The following SPOCK1 variants were observed in gnomAD, a reference collection of about 807,000 sequenced individuals.
SPOCK1 encodes the protein SPARC (osteonectin), cwcv and kazal like domains proteoglycan 1.
A neutral mutation model predicts 55.3 loss-of-function variants in SPOCK1; 23 were observed. The observed-to-expected ratio is 0.42, with a 90% CI of 0.30 to 0.59. SPOCK1 has a LOEUF of 0.59. Ranked by LOEUF, SPOCK1 falls within the 20% of genes least tolerant of loss-of-function variation. SPOCK1 has a pLI of 0.22. For synonymous variants in SPOCK1, 226 were observed against 221.0 expected (o/e 1.02, Z -0.20); for missense variants, 499 against 552.5 (o/e 0.90, Z 0.97).
intron 2 of SPOCK1, among the ~76,000 whole-genome samples, chr5:137,293,589 G>C (rs1757418129): frequency 6.6e-6 from 1 of 152,006 alleles, no homozygotes; most frequent in Non-Finnish European, 1.5e-5. Flanking sequence ...CCCCTCCCCA[G>C]TGTGAGTGTG....
At position 137,310,544 on chromosome 5, in the gene SPOCK1, T is replaced by C. The variant is rs537383538; in HGVS notation, c.187-43489A>G. Among the ~76,000 whole-genome samples, 23 of 152,308 alleles carry C rather than the reference T, an allele frequency of 1.5e-4. No homozygotes were observed. The South Asian group carries it at 3.3e-3, about 22-fold the overall frequency. On this transcript the variant is annotated intron_variant, in intron 2 of 10. Transcript: ENST00000394945. ...AATCATCAAAACAGCAACATATACT[T>C]GATGAGCTGGCCTCTGTGGAACTTG...
intron 2 of SPOCK1, among the ~76,000 whole-genome samples, chr5:137,359,379 T>G (rs902240560): frequency 6.6e-6 from 1 of 152,216 alleles, no homozygotes; most frequent in East Asian, 1.9e-4. Context: ...CACCAAAATA[T>G]GTTTGATCCA....
At chr5:137,299,595 A>C (rs1165383405) in intron 2 of SPOCK1, among the ~76,000 whole-genome samples, 1 of 152,064 alleles carries the variant, frequency 6.6e-6, no homozygotes, top group African/African-American at 2.4e-5. Flanking sequence ...TGCTGGTGAA[A>C]AATTTTCTGC....
intron 2 of SPOCK1, among the ~76,000 whole-genome samples, chr5:137,326,087 T>C (rs1357515516): frequency 6.6e-6 from 1 of 152,180 alleles, no homozygotes; most frequent in Non-Finnish European, 1.5e-5. Flanking sequence ...ATAATTACTA[T>C]TGTGTCATAT....
At chr5:137,252,434 A>G (rs1271798694) in intron 3 of SPOCK1, among the ~76,000 whole-genome samples, 1 of 152,208 alleles carries the variant, frequency 6.6e-6, no homozygotes, top group African/African-American at 2.4e-5. Context: ...AGCCACTGAG[A>G]ATATTGTATG....
At chr5:137,485,163 T>C (rs1199334646) in intron 2 of SPOCK1, among the ~76,000 whole-genome samples, 2 of 152,154 alleles carry the variant, frequency 1.3e-5, no homozygotes, top group South Asian at 2.1e-4. Context: ...AAAAGAACAA[T>C]GTAAAGTCAA....
chr5:137,409,905 T>C (rs13171087), intron 2 of SPOCK1, among the ~76,000 whole-genome samples: 1,613 of 152,324 alleles, frequency 0.011, 16 homozygotes, highest in Middle Eastern at 0.024. Context: ...TCAGTTTAGC[T>C]TGGTTTAGCA....
At chr5:137,147,812 A>AT (rs1396745398) in intron 3 of SPOCK1, among the ~76,000 whole-genome samples, 2 of 152,316 alleles carry the variant, frequency 1.3e-5, no homozygotes, top group African/African-American at 4.8e-5. Flanking sequence ...AACATAATAC[A>AT]TTTTTTAAAC....
intron 6 of SPOCK1, among the ~76,000 whole-genome samples, chr5:137,017,999 A>G (rs1751484634): frequency 1.3e-5 from 2 of 152,382 alleles, no homozygotes; most frequent in Middle Eastern, 3.4e-3. Context: ...AACATCTAGC[A>G]TTAATTGCCC....
intron 2 of SPOCK1, among the ~76,000 whole-genome samples, chr5:137,332,840 G>A (rs994395080): frequency 1.3e-5 from 2 of 152,202 alleles, no homozygotes; most frequent in Non-Finnish European, 2.9e-5. Flanking sequence ...TGAAATCATG[G>A]TCCAAGGCAA....
intron 3 of SPOCK1, among the ~76,000 whole-genome samples, chr5:137,185,232 T>G (rs1298910827): frequency 6.6e-6 from 1 of 152,210 alleles, no homozygotes; most frequent in African/African-American, 2.4e-5. Flanking sequence ...GGCCAGAGAC[T>G]TTTTTATTTC....
chr5:137,151,403 G>GC (rs1335064779), intron 3 of SPOCK1, among the ~76,000 whole-genome samples: 2 of 152,162 alleles, frequency 1.3e-5, no homozygotes, highest in Non-Finnish European at 2.9e-5. Context: ...AGTGGATTCT[G>GC]CCCCCGAACC....
intron 3 of SPOCK1, among the ~76,000 whole-genome samples, chr5:137,151,892 AT>A (rs1006412964): frequency 1.5e-4 from 23 of 152,100 alleles, no homozygotes; most frequent in African/African-American, 5.3e-4. Flanking sequence ...CTCACTGTTA[AT>A]TTTTCAGAAA....
At chr5:137,086,209 T>C (rs1752957459) in intron 5 of SPOCK1, among the ~76,000 whole-genome samples, 1 of 152,080 alleles carries the variant, frequency 6.6e-6, no homozygotes, top group South Asian at 2.1e-4. Flanking sequence ...TCCCTGCATC[T>C]CTCACTGCAT....
At chr5:137,153,101 G>T (rs755625011) in intron 3 of SPOCK1, among the ~76,000 whole-genome samples, 1 of 152,184 alleles carries the variant, frequency 6.6e-6, no homozygotes, top group South Asian at 2.1e-4. Context: ...AACTATTGCT[G>T]AGCCCAGGTC....
intron 3 of SPOCK1, among the ~76,000 whole-genome samples, chr5:137,189,622 T>C (rs1755138518): frequency 6.6e-6 from 1 of 152,184 alleles, no homozygotes; most frequent in East Asian, 1.9e-4. Context: ...TGAAAATATA[T>C]AGGAGATTAA....
At chr5:137,322,348 A>ACACAC (rs55986688) in intron 2 of SPOCK1, among the ~76,000 whole-genome samples, 10 of 145,090 alleles carry the variant, frequency 6.9e-5, no homozygotes, top group East Asian at 2.0e-4. Flanking sequence ...AAAAAAAAAA[A>ACACAC]ACACACACAC....
At chr5:137,320,591 G>A (rs1580865313) in intron 2 of SPOCK1, among the ~76,000 whole-genome samples, 1 of 152,292 alleles carries the variant, frequency 6.6e-6, no homozygotes, top group East Asian at 1.9e-4. Flanking sequence ...CAGAAAAAGC[G>A]CCAGAAAACC....
intron 4 of SPOCK1, among the ~76,000 whole-genome samples, chr5:137,116,201 C>T (rs1753575905): frequency 1.3e-5 from 2 of 152,244 alleles, no homozygotes; most frequent in Admixed American, 6.5e-5. Context: ...AGATAATCAA[C>T]AGATCACTGG....
Sources: allele counts gnomAD v4.1 joint callset (sites outside exome capture counted in the v4.1 genomes callset), GRCh38; gene constraint gnomAD v4.1.1; transcripts MANE v1.5; gene names NCBI Gene and HGNC (gene_info 2026-07-23, HGNC 2026-07-21).